The following MAPK8IP3 variants were observed in gnomAD, a reference collection of about 807,000 sequenced individuals.
MAPK8IP3 encodes the protein C-Jun-amino-terminal kinase-interacting protein 3.
MAPK8IP3 carries 49 observed loss-of-function variants against 157.8 expected under a neutral mutation model. The observed-to-expected ratio is 0.31, with a 90% CI of 0.25 to 0.39. MAPK8IP3 has a LOEUF of 0.39. MAPK8IP3 is among the 10% of genes least tolerant of loss of function. The pLI is 1.00. For synonymous variants in MAPK8IP3, 897 were observed against 777.7 expected (o/e 1.15, Z -2.55); for missense variants, 1,478 against 1,889.4 (o/e 0.78, Z 4.04).
rs1388817887 is a variant in MAPK8IP3, at chr16:1,767,265, C to T, written c.3205C>T (p.His1069Tyr). Residue 1069 changes from histidine to tyrosine, a missense_variant, in exon 26 of 32, where the codon CAC becomes TAC. By Grantham distance (83) the His-to-Tyr change is moderately conservative. Transcript: ENST00000610761. ...GTGGTGTGGCTACAAGAACAAGGTGCACGTCATCCAGCCCAAGACCATGCA... is the reference window on the plus strand; with the variant it reads ...GTGGTGTGGCTACAAGAACAAGGTGTACGTCATCCAGCCCAAGACCATGCA... ...RVWCGYKNKV[H>Y]VIQPKTMQIE... The T allele has an allele frequency of 6.2e-7, 1 of 1,613,266 alleles. No homozygotes were observed. The highest frequency in any genetic ancestry group is 1.1e-5 in the South Asian group (1 of 91,090).
intron 8 of MAPK8IP3, among the ~76,000 whole-genome samples, chr16:1,756,623 AACACAC>A (rs60461442): frequency 0.039 from 5,338 of 135,642 alleles, 171 homozygotes; most frequent in African/African-American, 0.08. Context: ...TTTTTACTAA[AACACAC>A]ACACACACAC....
intron 10 of MAPK8IP3, 42 bp downstream of exon 10, chr16:1,759,037 C>CCCGA: frequency 1.2e-6 from 2 of 1,611,678 alleles, no homozygotes; most frequent in Middle Eastern, 1.7e-4. Flanking sequence ...GCTCCTCCAC[C>CCCGA]CCGACATGGT....
intron 4 of MAPK8IP3, among the ~76,000 whole-genome samples, chr16:1,739,699 CGTGTGACCGTCCGTGTGAGCATCT>C (rs1297434553): frequency 1.8e-5 from 2 of 111,466 alleles, no homozygotes; most frequent in Admixed American, 2.0e-4. Context: ...TGTGAGCTTC[CGTGTGACCGTCCGTGTGAGCATCT>C]GTGTGACCGT....
rs2143284 is a variant in MAPK8IP3, at chr16:1,768,137, G to A, written c.3562+30G>A. ...GCCCAGCCACCTCGTGTCCCCTCAC[G>A]GGAGCCTCTCCCACTCTCCACCTGT... On this transcript the variant is annotated intron_variant, in intron 29 of 31. Coordinates refer to ENST00000610761, the MANE Select transcript of MAPK8IP3 (RefSeq NM_001318852.2). 40,327 of 1,611,988 alleles carry A rather than the reference G, an allele frequency of 0.025. 579 individuals are homozygous for A. Among genetic ancestry groups the A allele is most frequent in the Non-Finnish European group, 0.029 (34,041 of 1,179,916 alleles).
chr16:1,748,494 G>T, intron 7 of MAPK8IP3, 108 bp from the exon 8 acceptor site: 1 of 1,154,286 alleles, frequency 8.7e-7, no homozygotes, highest in Non-Finnish European at 1.3e-6. Flanking sequence ...GCAGGGCAGT[G>T]TGGGCATTGA....
At chr16:1,757,497 C>T (rs1337303075) in intron 8 of MAPK8IP3, among the ~76,000 whole-genome samples, 1 of 152,206 alleles carries the variant, frequency 6.6e-6, no homozygotes, top group Non-Finnish European at 1.5e-5. Flanking sequence ...GTGGTGTTTT[C>T]CCGCAGAGCG....
intron 31 of MAPK8IP3, 26 bp downstream of exon 31, chr16:1,768,652 G>A (rs757955703): frequency 6.8e-6 from 11 of 1,610,714 alleles, no homozygotes; most frequent in Admixed American, 3.3e-5. Context: ...GGACAGGGCT[G>A]AGGTTGGGCG....
In MAPK8IP3 at chr16:1,706,779, T is replaced by A; in HGVS notation, c.318+122T>A. 9.7e-7 allele frequency: 1 copy of A among 1,029,510 alleles called. No individual in the cohort carries two copies. The highest frequency in any genetic ancestry group is 1.3e-6 in the Non-Finnish European group (1 of 795,550). The allele number at this position is 1,029,510 out of a possible 1,614,324, so 63.8% of individuals were successfully genotyped here. On this transcript the variant is annotated intron_variant, in intron 1 of 31. Coordinates refer to ENST00000610761, the MANE Select transcript of MAPK8IP3 (RefSeq NM_001318852.2). The surrounding 1 kb of genome is among the most constrained non-coding windows in gnomAD (Gnocchi z 5.1). ...CCGGCACCCCGGACCGCGGGACCCC[T>A]GGACCCCCAGACCCCGCCCCGAGAC...
chr16:1,760,108 C>T, intron 11 of MAPK8IP3, 93 bp downstream of exon 11: 2 of 1,368,122 alleles, frequency 1.5e-6, no homozygotes, highest in Non-Finnish European at 2.1e-6. Flanking sequence ...CCTTGGGGAG[C>T]ACCTGGCTCC....
intron 4 of MAPK8IP3, among the ~76,000 whole-genome samples, chr16:1,736,344 G>A (rs533849031): frequency 1.5e-4 from 13 of 84,380 alleles, no homozygotes; most frequent in Middle Eastern, 8.2e-3. Context: ...CCGTGTGAGC[G>A]TGTGACCGTC....
At position 1,766,089 on chromosome 16, in the gene MAPK8IP3, C is replaced by T. The variant is rs758172491; in HGVS notation, c.2576C>T (p.Pro859Leu). The T allele has an allele frequency of 3.7e-6, 6 of 1,612,758 alleles. No individual in the cohort carries two copies. The highest frequency in any genetic ancestry group is 4.5e-5 in the East Asian group (2 of 44,874). Reference protein sequence around the residue: ...LVGCATRCNVPRSNCSSRGDT... With the variant: ...LVGCATRCNVLRSNCSSRGDT... ...GGCTGTGCCACCCGCTGCAACGTGC[C>T]GCGGAGCAACTGCTCCTCCCGAGGG... The change falls in exon 21 of 32, where the codon CCG becomes CTG. Residue 859 changes from proline (P) to leucine (L), a missense_variant. Coordinates refer to ENST00000610761, the MANE Select transcript of MAPK8IP3 (RefSeq NM_001318852.2).
rs1379390307 is a variant in MAPK8IP3 at position 1,710,263 on chromosome 16, G to T, written c.318+3606G>T. Among the ~76,000 whole-genome samples the T allele has an allele frequency of 1.3e-5, 2 of 149,426 alleles. No homozygotes were observed. Among genetic ancestry groups the T allele is most frequent in the African/African-American group, 2.5e-5 (1 of 40,530 alleles). On this transcript the variant is annotated intron_variant, in intron 1 of 31. Transcript: ENST00000610761. This position sits in a 1 kb window ranked among gnomAD's most constrained non-coding sequence, Gnocchi z 4.1. ...TCCTCATCTCAGGTCAGGAGTTTGA[G>T]ACCAGCCTGGCGAACCTGGCGAAAC...
chr16:1,707,028 C>T (rs1052478921), intron 1 of MAPK8IP3, among the ~76,000 whole-genome samples: 2 of 151,654 alleles, frequency 1.3e-5, no homozygotes, highest in Admixed American at 1.3e-4. Flanking sequence ...GGGAGCTCAG[C>T]TTCAAAGCCA....
At chr16:1,765,288 C>T (rs1567208199) in intron 20 of MAPK8IP3, 110 bp downstream of exon 20, 8 of 1,304,202 alleles carry the variant, frequency 6.1e-6, no homozygotes, top group African/African-American at 1.5e-5. Flanking sequence ...CCTGTGGACA[C>T]GGGAATGTGG....
At position 1,710,090 on chromosome 16, in the gene MAPK8IP3, A is replaced by G. The variant is rs12922553; in HGVS notation, c.318+3433A>G. On this transcript the variant is annotated intron_variant, in intron 1 of 31. Coordinates refer to ENST00000610761, the MANE Select transcript of MAPK8IP3 (RefSeq NM_001318852.2). This position sits in a 1 kb window ranked among gnomAD's most constrained non-coding sequence, Gnocchi z 4.1. ...TAAAAGTTACCGGCCAGGCGCAGCG[A>G]CTCTCACATGTGTAATCCCAGCACT... Among the ~76,000 whole-genome samples, 17,479 of 151,978 alleles carry G rather than the reference A, an allele frequency of 0.12. 1,368 individuals carry two copies. The highest frequency in any genetic ancestry group is 0.22 in the African/African-American group (9,192 of 41,400).
Position 1,742,587 on chromosome 16 carries a change from G to GGAT in MAPK8IP3, c.603-743_603-741dup, listed in dbSNP as rs1203533830. 6.6e-6 allele frequency among the ~76,000 whole-genome samples: 1 copy of GGAT among 152,234 alleles called. No homozygotes were observed. The highest frequency in any genetic ancestry group is 1.5e-5 in the Non-Finnish European group (1 of 68,034). On this transcript the variant is annotated intron_variant, in intron 4 of 31. Coordinates refer to ENST00000610761, the MANE Select transcript of MAPK8IP3 (RefSeq NM_001318852.2). This position sits in a 1 kb window ranked among gnomAD's most constrained non-coding sequence, Gnocchi z 5.0. ...GCAGCCTCATGAACAGGAGTAATGA[G>GGAT]GATGGGCAGGAGGGGCCAAGGAACA...
chr16:1,729,242 T>C (rs1567152874), intron 3 of MAPK8IP3, 34 bp downstream of exon 3: 4 of 1,611,242 alleles, frequency 2.5e-6, no homozygotes, highest in South Asian at 2.2e-5. Context: ...GAGACGAGGG[T>C]TGGAGACAGG....
In MAPK8IP3 at chr16:1,751,924, T is replaced by C. The variant is rs775433429; in HGVS notation, c.1216+3204T>C. On this transcript the variant is annotated intron_variant, in intron 8 of 31. Coordinates refer to ENST00000610761, the MANE Select transcript of MAPK8IP3 (RefSeq NM_001318852.2). The surrounding 1 kb of genome is among the most constrained non-coding windows in gnomAD (Gnocchi z 5.0). ...GTGCCCGTTGCATGGACAGACCACG[T>C]TGTGCTCACCTGTTTGCCCTAATGG... 6.6e-6 allele frequency: 1 copy of C among 152,348 alleles called. No homozygotes were observed. Among genetic ancestry groups the C allele is most frequent in the African/African-American group, 2.4e-5 (1 of 41,466 alleles). 9.4% of individuals were successfully genotyped at this position (152,348 alleles called of 1,614,324 possible). A position where few individuals can be genotyped will look rare whatever the true frequency, so the allele number is the denominator to read the frequency against.
chr16:1,767,422 C>A, intron 26 of MAPK8IP3, 125 bp downstream of exon 26: 1 of 1,508,654 alleles, frequency 6.6e-7, no homozygotes, highest in South Asian at 1.2e-5. Context: ...CCACCTATGA[C>A]TCAGGCTCGA....
Sources: gnomAD v4.1 joint callset for allele counts (sites outside exome capture counted in the v4.1 genomes callset) on GRCh38, gnomAD v4.1.1 for gene constraint, Gnocchi (gnomAD v3.1) non-coding constraint, MANE v1.5 for transcripts, NCBI Gene and HGNC (gene_info 2026-07-23, HGNC 2026-07-21) for gene names.